MTDH: variants seen among roughly 807,000 people sequenced by gnomAD.
The protein encoded by MTDH is protein LYRIC.
In MTDH, 34 loss-of-function variants were observed where a neutral mutation model predicts 72.7. That is an observed-to-expected ratio of 0.47 (90% CI 0.36 to 0.62). The LOEUF (loss-of-function observed/expected upper bound fraction) is 0.62. Among genes scored for constraint, MTDH ranks in the 20% least tolerant of loss-of-function variants. The probability of loss-of-function intolerance (pLI) is 0.00; values close to 1 mark genes in which losing one functional copy is unlikely to be tolerated. For missense variants in MTDH, 677 were observed against 699.4 expected, an observed-to-expected ratio of 0.97 and a Z score of 0.36; for synonymous variants, 266 against 268.9, an observed-to-expected ratio of 0.99 and a Z score of 0.10.
intron 6 of MTDH, chr8:97,696,386 C>T (rs1813834300): frequency 3.9e-6 from 2 of 511,262 alleles, no homozygotes; most frequent in Non-Finnish European, 5.0e-6. Context: ...TCAAGTACTG[C>T]TATCAATATA....
intron 8 of MTDH, among the ~76,000 whole-genome samples, chr8:97,710,386 G>C (rs1318953022): frequency 6.6e-6 from 1 of 152,098 alleles, no homozygotes; most frequent in Non-Finnish European, 1.5e-5. Flanking sequence ...GCTTACTTCA[G>C]CAGCACATAC....
chr8:97,725,346 A>G lies in MTDH; in HGVS notation c.*676A>G, dbSNP rs1815313640. ...TTACTTGAATTGTTCAAAGTACAGTATATTTTAAATTAAGAAAAGTGAACT... is the reference window on the plus strand; with the variant it reads ...TTACTTGAATTGTTCAAAGTACAGTGTATTTTAAATTAAGAAAAGTGAACT... On this transcript the variant is annotated 3_prime_UTR_variant, in exon 12 of 12. Transcript: ENST00000336273. 1 of 152,638 alleles carries G rather than the reference A, an allele frequency of 6.6e-6. No homozygotes were observed. The highest frequency in any genetic ancestry group is 2.4e-5 in the African/African-American group (1 of 41,464). The allele number at this position is 152,638 out of a possible 1,614,324, so 9.5% of individuals were successfully genotyped here.
chr8:97,692,297 A>G (rs1171608834), intron 6 of MTDH, among the ~76,000 whole-genome samples: 1 of 152,220 alleles, frequency 6.6e-6, no homozygotes, highest in East Asian at 1.9e-4. Flanking sequence ...TACTTTTTGT[A>G]AGTATATTTA....
intron 2 of MTDH, among the ~76,000 whole-genome samples, chr8:97,671,816 C>T (rs1205270621): frequency 6.6e-6 from 1 of 152,096 alleles, no homozygotes; most frequent in Non-Finnish European, 1.5e-5. Context: ...TGCCCTCCAG[C>T]CCGGATGGTA....
intron 8 of MTDH, among the ~76,000 whole-genome samples, chr8:97,712,628 T>C (rs958560192): frequency 2.0e-5 from 3 of 152,262 alleles, no homozygotes; most frequent in Non-Finnish European, 4.4e-5. Flanking sequence ...CTGGGTGTTA[T>C]GATAGTTGCA....
At position 97,689,044 on chromosome 8, in the gene MTDH, C is replaced by G; in HGVS notation, c.752C>G (p.Ser251Cys). ...TTATTTCTATTTTAACCAGGTGATT[C>G]TCATCTAAATGTTCAAGTTAGCAAC... is the stretch of plus-strand genomic sequence containing the variant. Reference protein sequence around the residue: ...PVGSKKNKGDSHLNVQVSNFK... With the variant: ...PVGSKKNKGDCHLNVQVSNFK... The change falls in exon 5 of 12, where the codon TCT becomes TGT. Residue 251 changes from serine (S) to cysteine (C), a missense_variant. Physicochemically the swap from Ser to Cys is moderately radical, Grantham distance 112 (BLOSUM62 -1). Transcript: ENST00000336273. 2 of 1,557,300 alleles carry G rather than the reference C, an allele frequency of 1.3e-6. No homozygotes were observed. The highest frequency in any genetic ancestry group is 1.8e-6 in the Non-Finnish European group (2 of 1,137,438).
chr8:97,699,448 AAG>A (rs1249100823), intron 6 of MTDH, among the ~76,000 whole-genome samples: 18 of 151,000 alleles, frequency 1.2e-4, no homozygotes, highest in Admixed American at 7.2e-4. Context: ...AAAAAAAAAA[AAG>A]AGAGAAATTT....
At chr8:97,681,605 T>G (rs555513095) in intron 2 of MTDH, among the ~76,000 whole-genome samples, 1 of 151,688 alleles carries the variant, frequency 6.6e-6, no homozygotes, top group East Asian at 1.9e-4. Flanking sequence ...GCGATTCTTC[T>G]GCCTCAGCCT....
chr8:97,696,114 C>A, intron 6 of MTDH: 1 of 390,560 alleles, frequency 2.6e-6, no homozygotes, highest in Non-Finnish European at 3.5e-6. Context: ...CTAAGGTTAT[C>A]TTTAAATAGT....
Position 97,724,615 on chromosome 8 carries a change from G to T in MTDH, c.1694G>T (p.Ser565Ile). 6.3e-7 allele frequency: 1 copy of T among 1,587,344 alleles called. No homozygotes were observed. The highest frequency in any genetic ancestry group is 8.5e-7 in the Non-Finnish European group (1 of 1,173,566). The change falls in exon 12 of 12, where the codon AGC becomes ATC. Residue 565 changes from serine to isoleucine, a missense_variant. This residue lies in a region of MTDH where 201 missense variants were observed against 204.5 expected (regional missense o/e 0.98). Coordinates refer to ENST00000336273, the MANE Select transcript of MTDH (RefSeq NM_178812.4). ...VPPSQTKSETSWESPKQIKKK... is the reference protein window; with the variant it reads ...VPPSQTKSETIWESPKQIKKK... ...TCTTTTTTAGCCAAGTCTGAAACTA[G>T]CTGGGAATCTCCCAAACAAATAAAA...
intron 1 of MTDH, among the ~76,000 whole-genome samples, chr8:97,656,258 T>C (rs1056930140): frequency 1.3e-5 from 2 of 152,034 alleles, no homozygotes; most frequent in South Asian, 4.1e-4. Context: ...GAATCAGTTT[T>C]AACAAGTTAA....
chr8:97,677,718 A>G (rs1563538994), intron 2 of MTDH, among the ~76,000 whole-genome samples: 1 of 152,166 alleles, frequency 6.6e-6, no homozygotes, highest in Non-Finnish European at 1.5e-5. Context: ...GTGCCTTGAA[A>G]TTTTAGCTAA....
At position 97,724,680 on chromosome 8, in the gene MTDH, TC is replaced by T; in HGVS notation, c.*12del. The T allele has an allele frequency of 6.3e-7, 1 of 1,584,796 alleles. No individual in the cohort carries two copies. Among genetic ancestry groups the T allele is most frequent in the Non-Finnish European group, 8.6e-7 (1 of 1,169,412 alleles). On this transcript the variant is annotated 3_prime_UTR_variant, in exon 12 of 12. Transcript: ENST00000336273. The stretch of plus-strand genomic sequence containing the variant: ...CAGACGAGAAACGTGAAATTTTTTT[TC>T]CTGAATTGGACATGTGTTTGCAAAC...
At chr8:97,696,227 G>A (rs974326414) in intron 6 of MTDH, 1 of 985,152 alleles carries the variant, frequency 1.0e-6, no homozygotes, top group Non-Finnish European at 1.2e-6. Flanking sequence ...TGTGGATAGG[G>A]GAATGAATAC....
At position 97,729,521 on chromosome 8, in the gene MTDH, G is replaced by C. The variant is rs1036469265; in HGVS notation, c.*4851G>C. On this transcript the variant is annotated 3_prime_UTR_variant, in exon 12 of 12. Transcript: ENST00000336273. The stretch of plus-strand genomic sequence containing the variant: ...ACCTCTAACAGTGTCTGTCAGAGTT[G>C]ACATACATTGTGTATCTCCTGCACC... Among the ~76,000 whole-genome samples the C allele has an allele frequency of 6.6e-6, 1 of 152,170 alleles. No individual in the cohort carries two copies. The highest frequency in any genetic ancestry group is 1.5e-5 in the Non-Finnish European group (1 of 68,030).
intron 6 of MTDH, among the ~76,000 whole-genome samples, chr8:97,699,364 G>A (rs1432641889): frequency 2.6e-5 from 4 of 151,922 alleles, no homozygotes; most frequent in Admixed American, 6.6e-5. Context: ...TTGAGCCTGC[G>A]AGGTTGAGGC....
intron 6 of MTDH, among the ~76,000 whole-genome samples, chr8:97,694,937 A>G (rs1813768747): frequency 6.6e-6 from 1 of 152,088 alleles, no homozygotes; most frequent in Non-Finnish European, 1.5e-5. Flanking sequence ...AGAAAAAAAA[A>G]AAGACCTTCC....
intron 2 of MTDH, among the ~76,000 whole-genome samples, chr8:97,686,241 C>T (rs1444042776): frequency 6.6e-6 from 1 of 152,286 alleles, no homozygotes; most frequent in Admixed American, 6.5e-5. Flanking sequence ...CACCGTATTA[C>T]AGTACTGTAT....
Position 97,644,264 on chromosome 8 carries a change from A to C in MTDH, c.-243A>C. On this transcript the variant is annotated 5_prime_UTR_variant, in exon 1 of 12. Coordinates refer to ENST00000336273, the MANE Select transcript of MTDH (RefSeq NM_178812.4). ...CGCCGCTTAGCGGCCGCCACTGGAG[A>C]CACTCCCTCCCGCCTCCCGGGTCTC... The C allele has an allele frequency of 1.9e-6, 1 of 533,126 alleles. No homozygotes were observed. The highest frequency in any genetic ancestry group is 3.2e-6 in the Non-Finnish European group (1 of 311,374). 33.0% of individuals were successfully genotyped at this position (533,126 alleles called of 1,614,324 possible).
Sources: allele counts gnomAD v4.1 joint callset (sites outside exome capture counted in the v4.1 genomes callset), GRCh38; gene constraint gnomAD v4.1.1; regional missense constraint gnomAD v4.1.1; transcripts MANE v1.5; gene names NCBI Gene and HGNC (gene_info 2026-07-23, HGNC 2026-07-21).